ACBD6: variants seen among roughly 807,000 people sequenced by gnomAD.
The protein encoded by ACBD6 is acyl-CoA-binding domain-containing protein 6.
A neutral mutation model predicts 37.2 loss-of-function variants in ACBD6; 28 were observed. That is an observed-to-expected ratio of 0.75 (90% confidence interval 0.56 to 1.03). ACBD6 has a LOEUF of 1.03. ACBD6 is among the 50% of genes least tolerant of loss of function. The probability of loss-of-function intolerance (pLI) is 0.00; values close to 1 mark genes in which losing one functional copy is unlikely to be tolerated. For missense variants in ACBD6, 340 were observed against 337.4 expected (o/e 1.01, Z -0.06); for synonymous variants, 113 against 126.8 (o/e 0.89, Z 0.73).
At chr1:180,389,621 G>C (rs551368478) in intron 6 of ACBD6, among the ~76,000 whole-genome samples, 53 of 152,230 alleles carry the variant, frequency 3.5e-4, no homozygotes, top group Non-Finnish European at 6.5e-4. Flanking sequence ...CCCACCAACA[G>C]TGTAAAAGTG....
chr1:180,301,621 T>C (rs187046473), intron 7 of ACBD6, among the ~76,000 whole-genome samples: 27 of 152,290 alleles, frequency 1.8e-4, no homozygotes, highest in Admixed American at 3.3e-4. Context: ...TCTTGTAATG[T>C]CATACTTTCC....
At chr1:180,348,378 A>C (rs1451734748) in intron 6 of ACBD6, among the ~76,000 whole-genome samples, 2 of 152,196 alleles carry the variant, frequency 1.3e-5, no homozygotes, top group Non-Finnish European at 2.9e-5. Flanking sequence ...CCAAAAAATG[A>C]ACGGAAATGA....
intron 7 of ACBD6, among the ~76,000 whole-genome samples, chr1:180,308,189 T>C (rs1650458748): frequency 6.6e-6 from 1 of 152,238 alleles, no homozygotes; most frequent in Admixed American, 6.5e-5. Context: ...CAAATCTGCC[T>C]GTTCTTTTTT....
At chr1:180,424,902 G>A (rs901111151) in intron 4 of ACBD6, among the ~76,000 whole-genome samples, 4 of 152,122 alleles carry the variant, frequency 2.6e-5, no homozygotes, top group African/African-American at 4.8e-5. Flanking sequence ...AATGAAGCAC[G>A]CTAGAAAAGG....
rs1651696584 is a variant in ACBD6 at position 180,495,457 on chromosome 1, T to C, written c.287+4A>G. The stretch of plus-strand genomic sequence containing the variant: ...CCTCATTAAAGATTCCAGGAATTTC[T>C]TACCATTTTTGCTTTCCTTCAAAAT... On this transcript the variant is annotated splice_donor_region_variant and intron_variant, in intron 2 of 7. Coordinates refer to ENST00000367595, the MANE Select transcript of ACBD6 (RefSeq NM_032360.4). 1 of 1,595,854 alleles carries C rather than the reference T, an allele frequency of 6.3e-7. No individual in the cohort carries two copies. The highest frequency in any genetic ancestry group is 8.5e-7 in the Non-Finnish European group (1 of 1,170,216).
At chr1:180,284,378 T>C (rs567258360), downstream of ACBD6, among the ~76,000 whole-genome samples, 4 of 152,196 alleles carry the variant, frequency 2.6e-5, no homozygotes, top group South Asian at 4.2e-4. Context: ...TTTTTTTTTT[T>C]TGAGAGACGG....
intron 6 of ACBD6, among the ~76,000 whole-genome samples, chr1:180,329,973 C>G (rs1050440407): frequency 6.6e-6 from 1 of 152,092 alleles, no homozygotes; most frequent in Non-Finnish European, 1.5e-5. Flanking sequence ...CAGCCCACTC[C>G]TCAGTTTTCT....
At chr1:180,450,716 C>T (rs1422633192) in intron 3 of ACBD6, among the ~76,000 whole-genome samples, 6 of 152,084 alleles carry the variant, frequency 3.9e-5, no homozygotes, top group Admixed American at 1.3e-4. Context: ...GCCGAGATTG[C>T]GCCACTGCAC....
chr1:180,289,023 T>C (rs1649596377), intron 7 of ACBD6, among the ~76,000 whole-genome samples: 1 of 131,662 alleles, frequency 7.6e-6, no homozygotes, highest in Admixed American at 8.4e-5. Context: ...AATCAGACCA[T>C]TCTTCTACAG....
chr1:180,397,890 T>C (rs557992456), intron 5 of ACBD6, among the ~76,000 whole-genome samples: 21 of 152,134 alleles, frequency 1.4e-4, no homozygotes, highest in African/African-American at 5.1e-4. Context: ...CTGTCTCTGC[T>C]AAAAATACAA....
chr1:180,339,499 G>C (rs1360439743), intron 6 of ACBD6, among the ~76,000 whole-genome samples: 1 of 149,648 alleles, frequency 6.7e-6, no homozygotes, highest in Non-Finnish European at 1.5e-5. Context: ...TTTGGACACA[G>C]GAAGGGGAAC....
At chr1:180,315,140 AG>A (rs1277646983) in intron 6 of ACBD6, among the ~76,000 whole-genome samples, 10 of 152,182 alleles carry the variant, frequency 6.6e-5, no homozygotes, top group African/African-American at 2.2e-4. Flanking sequence ...TATAGTGGAT[AG>A]CTTTTTATCC....
chr1:180,287,552 A>C (rs1649544171), downstream of ACBD6: 1 of 150,998 alleles, frequency 6.6e-6, no homozygotes, highest in African/African-American at 2.4e-5. Flanking sequence ...GATAGACCCA[A>C]AGAGACCTAA....
intron 2 of ACBD6, among the ~76,000 whole-genome samples, chr1:180,492,619 A>G (rs1363614946): frequency 1.3e-5 from 2 of 152,176 alleles, no homozygotes; most frequent in Non-Finnish European, 2.9e-5. Flanking sequence ...AAAAACACAG[A>G]TACAATGCAT....
chr1:180,412,437 TA>T (rs1427753746), intron 5 of ACBD6, among the ~76,000 whole-genome samples: 1 of 152,246 alleles, frequency 6.6e-6, no homozygotes, highest in African/African-American at 2.4e-5. Flanking sequence ...GCCATTTCAG[TA>T]ATCTTTCACA....
intron 3 of ACBD6, among the ~76,000 whole-genome samples, chr1:180,439,168 A>G (rs1649179399): frequency 6.6e-6 from 1 of 152,216 alleles, no homozygotes; most frequent in South Asian, 2.1e-4. Context: ...CATTTTTGGT[A>G]TTTAACTCAG....
chr1:180,271,780 G>C, exon 14 of ACBD6: 1 of 1,601,154 alleles, frequency 6.2e-7, no homozygotes, highest in Non-Finnish European at 8.6e-7. Context: ...GGTCCTGGGG[G>C]CTTTGGGTTT....
At chr1:180,379,734 C>A (rs1289974506) in intron 6 of ACBD6, among the ~76,000 whole-genome samples, 2 of 152,010 alleles carry the variant, frequency 1.3e-5, no homozygotes, top group Non-Finnish European at 2.9e-5. Context: ...AACAAAAAAA[C>A]AATGAGTAAA....
At chr1:180,455,714 T>C (rs1361027528) in intron 3 of ACBD6, among the ~76,000 whole-genome samples, 1 of 152,180 alleles carries the variant, frequency 6.6e-6, no homozygotes, top group African/African-American at 2.4e-5. Flanking sequence ...TAGATTATGA[T>C]CTTGTCCTAT....
Sources: allele counts gnomAD v4.1 joint callset (sites outside exome capture counted in the v4.1 genomes callset), GRCh38; gene constraint gnomAD v4.1.1; transcripts MANE v1.5; gene names NCBI Gene and HGNC (gene_info 2026-07-23, HGNC 2026-07-21).